Variants in PACSIN2 observed in about 807,000 individuals in gnomAD.
PACSIN2 encodes protein kinase C and casein kinase substrate in neurons 2.
A neutral mutation model predicts 63.8 loss-of-function variants in PACSIN2; 25 were observed. The ratio of observed to expected loss-of-function variants is 0.39; its 90% CI spans 0.29 to 0.55. PACSIN2 has a LOEUF of 0.55. PACSIN2 is among the 20% of genes least tolerant of loss of function. The pLI, the probability that PACSIN2 is intolerant of heterozygous loss-of-function variation, is 0.62. For missense variants in PACSIN2, 518 were observed against 646.9 expected (o/e 0.80, Z 2.16); for synonymous variants, 255 against 256.2 (o/e 1.00, Z 0.05).
chr22:42,961,500 G>A (rs1414306981), intron 1 of PACSIN2, among the ~76,000 whole-genome samples: 3 of 151,664 alleles, frequency 2.0e-5, no homozygotes, highest in South Asian at 2.1e-4. Context: ...AGGCTGGGCC[G>A]GTGGCTCACA....
chr22:42,955,539 T>C (rs1933881061), intron 1 of PACSIN2, among the ~76,000 whole-genome samples: 1 of 152,130 alleles, frequency 6.6e-6, no homozygotes, highest in African/African-American at 2.4e-5. Context: ...CATCATGACT[T>C]TTCATCATCA....
At chr22:42,891,394 T>C (rs1226827620) in intron 3 of PACSIN2, among the ~76,000 whole-genome samples, 1 of 152,190 alleles carries the variant, frequency 6.6e-6, no homozygotes, top group Non-Finnish European at 1.5e-5. Flanking sequence ...GGGGATTACA[T>C]GCCTTTCCTT....
intron 1 of PACSIN2, among the ~76,000 whole-genome samples, chr22:42,963,903 A>T (rs571882153): frequency 7.3e-6 from 1 of 136,136 alleles, no homozygotes; most frequent in East Asian, 2.1e-4. Context: ...ATACTGCCTT[A>T]AAAAAAAAAC....
chr22:42,949,694 A>T (rs972516818), intron 1 of PACSIN2, among the ~76,000 whole-genome samples: 1 of 149,724 alleles, frequency 6.7e-6, no homozygotes, highest in Non-Finnish European at 1.5e-5. Context: ...ACACACACAC[A>T]CTCACACACA....
At position 43,009,863 on chromosome 22, in the gene PACSIN2, C is replaced by CTTTTTTTTTTTTTTTTTT. The variant is rs762256300; in HGVS notation, c.-78+5157_-78+5158insAAAAAAAAAAAAAAAAAA. Among the ~76,000 whole-genome samples the CTTTTTTTTTTTTTTTTTT allele has an allele frequency of 2.3e-5, 3 of 131,814 alleles. 1 individual carries two copies. Among genetic ancestry groups the CTTTTTTTTTTTTTTTTTT allele is most frequent in the Non-Finnish European group, 3.2e-5 (2 of 63,124 alleles). 86.5% of individuals were successfully genotyped at this position (131,814 alleles called of 152,430 possible). On this transcript the variant is annotated intron_variant, in intron 1 of 10. Transcript: ENST00000263246. Reference sequence around the variant, plus strand: ...TAGTTGAGACATCATTTTATTTTTTCTATTTTTTTTTTTTTTTTTTTTTGA... The same window carrying CTTTTTTTTTTTTTTTTTT: ...TAGTTGAGACATCATTTTATTTTTTCTTTTTTTTTTTTTTTTTTTATTTTTTTTTTTTTTTTTTTTTGA...
At chr22:42,956,017 T>C (rs771905297) in intron 1 of PACSIN2, among the ~76,000 whole-genome samples, 2 of 152,260 alleles carry the variant, frequency 1.3e-5, no homozygotes, top group Non-Finnish European at 2.9e-5. Context: ...GTTCAACATT[T>C]TGTCCTGTTA....
chr22:43,000,654 G>A (rs1157025833), intron 1 of PACSIN2, among the ~76,000 whole-genome samples: 1 of 152,202 alleles, frequency 6.6e-6, no homozygotes. Flanking sequence ...TGAGCTATAA[G>A]GGGAGGTGAT....
At position 42,886,167 on chromosome 22, in the gene PACSIN2, G is replaced by A. The variant is rs560765364; in HGVS notation, c.610-1606C>T. Among the ~76,000 whole-genome samples the A allele has an allele frequency of 1.7e-4, 26 of 152,198 alleles. No homozygotes were observed. The South Asian group carries it at 5.4e-3, about 32-fold the overall frequency. ...CCTGTGCCGACCCTGCTAGCCCCAAGTCCTGCCCCCAGCACAGGCCAGGTA... is the reference window on the plus strand; with the variant it reads ...CCTGTGCCGACCCTGCTAGCCCCAAATCCTGCCCCCAGCACAGGCCAGGTA... On this transcript the variant is annotated intron_variant, in intron 5 of 10. Coordinates refer to ENST00000263246, the MANE Select transcript of PACSIN2 (RefSeq NM_001184970.3).
At chr22:43,001,959 C>G (rs1314834241) in intron 1 of PACSIN2, among the ~76,000 whole-genome samples, 1 of 152,124 alleles carries the variant, frequency 6.6e-6, no homozygotes, top group Non-Finnish European at 1.5e-5. Context: ...AACAGGACAC[C>G]ACTCAGTCTG....
At chr22:42,971,664 C>T (rs1245635802) in intron 1 of PACSIN2, among the ~76,000 whole-genome samples, 8 of 151,856 alleles carry the variant, frequency 5.3e-5, no homozygotes, top group Admixed American at 4.6e-4. Context: ...GGCCGCCCAT[C>T]GTCTGAGAAG....
intron 6 of PACSIN2, 94 bp from the exon 7 acceptor site, chr22:42,882,398 T>A: frequency 7.1e-7 from 1 of 1,405,824 alleles, no homozygotes; most frequent in Non-Finnish European, 9.6e-7. Context: ...CCGTGGTCTC[T>A]GCCCTCTGTG....
At chr22:42,993,365 G>A (rs1401849684) in intron 1 of PACSIN2, among the ~76,000 whole-genome samples, 1 of 152,164 alleles carries the variant, frequency 6.6e-6, no homozygotes, top group East Asian at 1.9e-4. Context: ...TATCTTCTTT[G>A]CAATGATGGC....
chr22:42,917,157 C>CA (rs1931867286), intron 1 of PACSIN2, among the ~76,000 whole-genome samples: 1 of 152,164 alleles, frequency 6.6e-6, no homozygotes, highest in South Asian at 2.1e-4. Context: ...TGGGCATTGT[C>CA]AAAGCAAGGA....
chr22:42,968,228 C>T (rs1920999407), intron 1 of PACSIN2, among the ~76,000 whole-genome samples: 1 of 152,206 alleles, frequency 6.6e-6, no homozygotes, highest in Non-Finnish European at 1.5e-5. Flanking sequence ...CAGAACTAAA[C>T]ATCTGTTTCA....
chr22:42,935,108 G>A (rs1251951847), intron 1 of PACSIN2, among the ~76,000 whole-genome samples: 2 of 147,242 alleles, frequency 1.4e-5, no homozygotes, highest in African/African-American at 5.1e-5. Context: ...TTTATTTTCA[G>A]TAGAGTCGGG....
chr22:42,969,511 T>C (rs1312208721), intron 1 of PACSIN2, among the ~76,000 whole-genome samples: 1 of 152,214 alleles, frequency 6.6e-6, no homozygotes, highest in Non-Finnish European at 1.5e-5. Flanking sequence ...ACATTTAAGA[T>C]GAGTAATCCT....
At chr22:42,985,282 T>A (rs2010366) in intron 1 of PACSIN2, among the ~76,000 whole-genome samples, 1 of 152,092 alleles carries the variant, frequency 6.6e-6, no homozygotes, top group African/African-American at 2.4e-5. Flanking sequence ...AGCCGAGATC[T>A]CATCACCGCA....
intron 1 of PACSIN2, among the ~76,000 whole-genome samples, chr22:42,949,132 G>C (rs1933564818): frequency 6.6e-6 from 1 of 152,076 alleles, no homozygotes; most frequent in African/African-American, 2.4e-5. Flanking sequence ...GTCTCTATAA[G>C]GACAAAACAT....
At chr22:42,985,019 T>TA (rs928582138) in intron 1 of PACSIN2, among the ~76,000 whole-genome samples, 82 of 152,178 alleles carry the variant, frequency 5.4e-4, no homozygotes, top group African/African-American at 1.8e-3. Flanking sequence ...CTGCTTTCTA[T>TA]AAAAAATGAA....
Sources: gnomAD v4.1 joint callset for allele counts (sites outside exome capture counted in the v4.1 genomes callset) on GRCh38, gnomAD v4.1.1 for gene constraint, MANE v1.5 for transcripts, NCBI Gene and HGNC (gene_info 2026-07-23, HGNC 2026-07-21) for gene names.